Variants in LRP5 observed in about 807,000 individuals in gnomAD.
LRP5 encodes the protein low-density lipoprotein receptor-related protein 5.
A neutral mutation model predicts 154.1 loss-of-function variants in LRP5; 62 were observed. The observed-to-expected ratio is 0.40, with a 90% CI of 0.33 to 0.50. LRP5 has a LOEUF of 0.50. Among genes scored for constraint, LRP5 ranks in the 20% least tolerant of loss-of-function variants. LRP5 has a pLI of 0.55. For synonymous variants in LRP5, 966 were observed against 1,011.5 expected, an observed-to-expected ratio of 0.96 and a Z score of 0.85; for missense variants, 1,915 against 2,336.7, an observed-to-expected ratio of 0.82 and a Z score of 3.72.
Position 68,347,911 on chromosome 11 carries a change from G to T in LRP5, c.156G>T (p.Lys52Asn), listed in dbSNP as rs758810766. Residue 52 changes from lysine (K) to asparagine (N), a missense_variant, in exon 2 of 23, where the codon AAG becomes AAT. Lys to Asn is a moderately conservative substitution (Grantham distance 94, BLOSUM62 0). Transcript: ENST00000294304. ...DVRLVDAGGV[K>N]LESTIVVSGL... ...GGCTGGTGGACGCCGGCGGAGTCAA[G>T]CTGGAGTCCACCATCGTGGTCAGCG... The T allele has an allele frequency of 6.2e-7, 1 of 1,613,560 alleles. No individual in the cohort carries two copies. The highest frequency in any genetic ancestry group is 1.1e-5 in the South Asian group (1 of 91,082).
chr11:68,331,641 C>T (rs1024605411), intron 1 of LRP5, among the ~76,000 whole-genome samples: 40 of 152,346 alleles, frequency 2.6e-4, no homozygotes, highest in African/African-American at 9.6e-4. Context: ...CCCAAACGTG[C>T]CCCCTGTATG....
At chr11:68,329,787 G>C (rs1036695444) in intron 1 of LRP5, among the ~76,000 whole-genome samples, 2 of 152,212 alleles carry the variant, frequency 1.3e-5, no homozygotes, top group Non-Finnish European at 2.9e-5. Flanking sequence ...ACACCCCTGA[G>C]TCAGTCTCCA....
chr11:68,409,857 A>C, intron 9 of LRP5, 57 bp from the exon 10 acceptor site: 3 of 1,421,956 alleles, frequency 2.1e-6, no homozygotes, highest in Non-Finnish European at 3.0e-6. Context: ...TCTCAAAAAA[A>C]AAAAAAAAGA....
At chr11:68,354,585 G>T (rs991983504) in intron 2 of LRP5, among the ~76,000 whole-genome samples, 1 of 152,212 alleles carries the variant, frequency 6.6e-6, no homozygotes, top group African/African-American at 2.4e-5. Flanking sequence ...CCGCAGGCAC[G>T]CGGGAGCCTT....
chr11:68,342,947 C>G (rs1039170649), intron 1 of LRP5, among the ~76,000 whole-genome samples: 5 of 152,208 alleles, frequency 3.3e-5, no homozygotes, highest in Non-Finnish European at 4.4e-5. Context: ...CAGGGCCCCC[C>G]GCTGGGACCT....
chr11:68,365,748 G>A, intron 5 of LRP5, 46 bp downstream of exon 5: 1 of 1,444,750 alleles, frequency 6.9e-7, no homozygotes, highest in Non-Finnish European at 9.2e-7. Flanking sequence ...GGCGGGGCCT[G>A]GCGGGAATGG....
In LRP5 at chr11:68,416,261, A is replaced by G. The variant is rs956012316; in HGVS notation, c.2828-67A>G. 384 of 1,412,778 alleles carry G rather than the reference A, an allele frequency of 2.7e-4. 1 individual carries two copies. Among genetic ancestry groups the G allele is most frequent in the Non-Finnish European group, 3.6e-4 (358 of 999,934 alleles). The allele number at this position is 1,412,778 out of a possible 1,614,324, so 87.5% of individuals were successfully genotyped here. A position where few individuals can be genotyped will look rare whatever the true frequency, so the allele number is the denominator to read the frequency against. The stretch of plus-strand genomic sequence containing the variant: ...GCCGCCTGTTGTCGAGTGGCGTGCT[A>G]TCCCGTCCTCCAGCTCCTCTGTGGC... On this transcript the variant is annotated intron_variant, in intron 12 of 22. Transcript: ENST00000294304.
intron 5 of LRP5, among the ~76,000 whole-genome samples, chr11:68,369,584 C>A (rs1477624115): frequency 1.3e-5 from 2 of 152,080 alleles, no homozygotes; most frequent in Non-Finnish European, 2.9e-5. Context: ...ACCAGCCTGG[C>A]CAACATGGTG....
At chr11:68,310,713 C>T (rs2098587161), upstream of LRP5, among the ~76,000 whole-genome samples, 1 of 150,182 alleles carries the variant, frequency 6.7e-6, no homozygotes, top group Non-Finnish European at 1.5e-5. Flanking sequence ...TACGATCACA[C>T]CACTACACTC....
intron 8 of LRP5, among the ~76,000 whole-genome samples, chr11:68,404,739 G>C (rs972304747): frequency 6.6e-6 from 1 of 152,098 alleles, no homozygotes; most frequent in African/African-American, 2.4e-5. Flanking sequence ...GGGAGGCCGA[G>C]GCGGGTGGAT....
intron 1 of LRP5, among the ~76,000 whole-genome samples, chr11:68,314,882 T>C (rs1279410181): frequency 6.6e-6 from 1 of 152,220 alleles, no homozygotes; most frequent in Non-Finnish European, 1.5e-5. Context: ...TCCAAGAAAT[T>C]CGCCGGTGAA....
intron 3 of LRP5, among the ~76,000 whole-genome samples, chr11:68,361,759 C>T (rs1337775988): frequency 6.6e-6 from 1 of 151,534 alleles, no homozygotes; most frequent in Non-Finnish European, 1.5e-5. Context: ...GAGATTGAGG[C>T]TGCAGTGAGC....
At position 68,368,571 on chromosome 11, in the gene LRP5, G is replaced by A. The variant is rs572013069; in HGVS notation, c.1015+2869G>A. ...GCACTTCCATTTTGCAGCGGTCCCC[G>A]CAAATTCTGTAACGGGCCCGGCTCG... On this transcript the variant is annotated intron_variant, in intron 5 of 22. Transcript: ENST00000294304. Among the ~76,000 whole-genome samples, 81 of 152,302 alleles carry A rather than the reference G, an allele frequency of 5.3e-4. 1 individual carries two copies. The East Asian group carries it at 6.6e-3, about 12-fold the overall frequency.
intron 1 of LRP5, among the ~76,000 whole-genome samples, chr11:68,321,360 T>TG (rs2098596672): frequency 1.3e-5 from 2 of 152,172 alleles, no homozygotes; most frequent in African/African-American, 4.8e-5. Context: ...ACGTATTGGC[T>TG]CTGCTTGCAC....
intron 7 of LRP5, among the ~76,000 whole-genome samples, chr11:68,398,017 C>A (rs991049550): frequency 4.7e-5 from 3 of 63,332 alleles, no homozygotes; most frequent in Non-Finnish European, 1.2e-4. Context: ...TGTTTGCGTG[C>A]GCGCACATGT....
rs571212778 is a variant in LRP5 at position 68,429,625 on chromosome 11, G to T, written c.3688G>T (p.Ala1230Ser). Residue 1230 changes from alanine (A) to serine (S), a missense_variant, in exon 17 of 23, where the codon GCC (alanine) becomes TCC (serine). Ala to Ser is a moderately conservative substitution (Grantham distance 99). Around this residue, in one of 3 missense-constraint regions of LRP5, gnomAD observed 1,094 missense variants for 1,210.1 expected, o/e 0.90. Coordinates refer to ENST00000294304, the MANE Select transcript of LRP5 (RefSeq NM_002335.4). ...DNGGCSHICIAKGDGTPRCSC... is the reference protein window; with the variant it reads ...DNGGCSHICISKGDGTPRCSC... Reference sequence around the variant, plus strand: ...TGGTGGCTGCTCCCACATCTGTATTGCCAAGGGTGATGGGACACCACGGTG... The same window carrying T: ...TGGTGGCTGCTCCCACATCTGTATTTCCAAGGGTGATGGGACACCACGGTG... 1.6e-5 allele frequency: 26 copies of T among 1,614,120 alleles called. No homozygotes were observed. The highest frequency in any genetic ancestry group is 1.9e-5 in the Non-Finnish European group (23 of 1,180,032).
At chr11:68,298,623 A>ATCTTT in the LRP5 span, among the ~76,000 whole-genome samples, 2 of 152,306 alleles carry the variant, frequency 1.3e-5, no homozygotes, top group Admixed American at 1.3e-4. Flanking sequence ...GCTCAGTGCC[A>ATCTTT]GGCCCAGCTA....
At chr11:68,308,222 C>T (rs1311203734), upstream of LRP5, among the ~76,000 whole-genome samples, 16 of 152,356 alleles carry the variant, frequency 1.1e-4, no homozygotes, top group South Asian at 1.2e-3. Context: ...GCCCCAGGGG[C>T]GCCTCTGACC....
At chr11:68,406,901 T>A in intron 9 of LRP5, 88 bp downstream of exon 9, 1 of 1,309,380 alleles carries the variant, frequency 7.6e-7, no homozygotes, top group Non-Finnish European at 1.1e-6. Context: ...ACACTTTTCT[T>A]AAAGCACTAT....
Sources: gnomAD v4.1 joint callset for allele counts (sites outside exome capture counted in the v4.1 genomes callset) on GRCh38, gnomAD v4.1.1 for gene constraint, gnomAD v4.1.1 regional missense constraint, MANE v1.5 for transcripts, NCBI Gene and HGNC (gene_info 2026-07-23, HGNC 2026-07-21) for gene names.